KHDC4: variants seen among roughly 807,000 people sequenced by gnomAD.
KHDC4 encodes KH homology domain-containing protein 4.
KHDC4 carries 19 observed loss-of-function variants against 74.5 expected under a neutral mutation model. The ratio of observed to expected loss-of-function variants is 0.26; its 90% confidence interval spans 0.18 to 0.37. The LOEUF (loss-of-function observed/expected upper bound fraction) is 0.37. Ranked by LOEUF, KHDC4 falls within the 10% of genes least tolerant of loss-of-function variation. The pLI is 1.00. For synonymous variants in KHDC4, 253 were observed against 266.1 expected, an observed-to-expected ratio of 0.95 and a Z score of 0.48; for missense variants, 632 against 754.1, an observed-to-expected ratio of 0.84 and a Z score of 1.90.
At chr1:155,918,003 GCTTT>G (rs1673771567) in intron 10 of KHDC4, among the ~76,000 whole-genome samples, 1 of 152,106 alleles carries the variant, frequency 6.6e-6, no homozygotes, top group African/African-American at 2.4e-5. Flanking sequence ...TCTGTAATAA[GCTTT>G]CTGTTATTTA....
intron 8 of KHDC4, 63 bp from the exon 9 acceptor site, chr1:155,921,981 G>A: frequency 1.0e-6 from 1 of 994,058 alleles, no homozygotes; most frequent in African/African-American, 1.6e-5. Flanking sequence ...ACAAGGGTCT[G>A]ATTACATAAT....
At chr1:155,934,315 C>T in intron 1 of KHDC4, 21 bp downstream of exon 1, 1 of 1,606,958 alleles carries the variant, frequency 6.2e-7, no homozygotes. Flanking sequence ...CGCTCCGATG[C>T]CCTCGCCCCT....
chr1:155,928,845 G>A (rs1274042823), intron 4 of KHDC4, among the ~76,000 whole-genome samples: 9 of 151,472 alleles, frequency 5.9e-5, no homozygotes, highest in South Asian at 2.1e-4. Context: ...CCAGCTACTC[G>A]GGAGGCTGAG....
chr1:155,916,145 A>G (rs996427775), intron 12 of KHDC4, among the ~76,000 whole-genome samples, 181 bp from the exon 13 acceptor site: 5 of 152,136 alleles, frequency 3.3e-5, no homozygotes, highest in Non-Finnish European at 5.9e-5. Flanking sequence ...CTACACAGCA[A>G]TTGCCATGAC....
chr1:155,929,895 TTTTTA>T (rs1328033057), intron 2 of KHDC4, 55 bp from the exon 3 acceptor site: 36 of 1,239,758 alleles, frequency 2.9e-5, no homozygotes, highest in South Asian at 7.7e-5. Flanking sequence ...AAAGTCTATT[TTTTTA>T]TTTTATTTAT....
In KHDC4 at chr1:155,933,693, C is replaced by G; in HGVS notation, c.195G>C (p.Lys65Asn). 2 of 1,613,034 alleles carry G rather than the reference C, an allele frequency of 1.2e-6. No homozygotes were observed. The highest frequency in any genetic ancestry group is 2.2e-5 in the South Asian group (2 of 90,984). The change falls in exon 2 of 14, where the codon AAG (lysine) becomes AAC (asparagine). Residue 65 changes from lysine to asparagine, a missense_variant. Physicochemically the swap from Lys to Asn is moderately conservative, Grantham distance 94. This residue lies in a region of KHDC4 where 233 missense variants were observed against 342.6 expected (regional missense o/e 0.68). Transcript: ENST00000368321. ...CTTTTGCCATGAGCATGGCATTAAT[C>G]TTGGCAGCCACAGCAGCAGCAGCAT... ...ALDAAAAVAA[K>N]INAMLMAKGK...
At chr1:155,925,608 G>A (rs1673973667) in intron 7 of KHDC4, 24 bp downstream of exon 7, 2 of 1,589,872 alleles carry the variant, frequency 1.3e-6, no homozygotes, top group Non-Finnish European at 1.7e-6. Context: ...GAATTCACAT[G>A]TCCCCTGCCC....
At chr1:155,921,993 C>G (rs1163478167) in intron 8 of KHDC4, 75 bp from the exon 9 acceptor site, 1 of 876,024 alleles carries the variant, frequency 1.1e-6, no homozygotes, top group Non-Finnish European at 1.8e-6. Context: ...TTACATAATT[C>G]TAGGACCAAA....
chr1:155,914,468 A>C (rs942187161), intron 13 of KHDC4, 148 bp from the exon 14 acceptor site: 2 of 633,404 alleles, frequency 3.2e-6, no homozygotes, highest in Non-Finnish European at 5.4e-6. Flanking sequence ...TCACCCAAAA[A>C]CGTTGAAGAT....
At chr1:155,929,644 C>A in intron 3 of KHDC4, 68 bp downstream of exon 3, 1 of 1,527,912 alleles carries the variant, frequency 6.5e-7, no homozygotes, top group East Asian at 2.3e-5. Flanking sequence ...TGACGCCTGT[C>A]TATTTAGAGG....
chr1:155,925,834 C>A lies in KHDC4; in HGVS notation c.691G>T (p.Val231Phe), dbSNP rs1439440073. ...AGACCCACAAATAATTTATCTTGAA[C>A]ATAATGCATCTGTAGGAAGAACAGA... ...KPPFQSGMHY[V>F]QDKLFVGLEH... The change falls in exon 7 of 14, where the codon GTT becomes TTT. Residue 231 changes from valine to phenylalanine, a missense_variant. Val to Phe is a conservative substitution (Grantham distance 50). Coordinates refer to ENST00000368321, the MANE Select transcript of KHDC4 (RefSeq NM_014949.4). 9 of 1,608,572 alleles carry A rather than the reference C, an allele frequency of 5.6e-6. No individual in the cohort carries two copies. Among genetic ancestry groups the A allele is most frequent in the Non-Finnish European group, 6.8e-6 (8 of 1,174,988 alleles).
chr1:155,926,913 T>C, intron 5 of KHDC4, 74 bp from the exon 6 acceptor site: 1 of 1,528,376 alleles, frequency 6.5e-7, no homozygotes, highest in South Asian at 1.1e-5. Context: ...GTTCAATTAT[T>C]CACCGTAAAT....
At chr1:155,925,202 G>GTT (rs1282716291) in intron 7 of KHDC4, among the ~76,000 whole-genome samples, 1 of 151,438 alleles carries the variant, frequency 6.6e-6, no homozygotes. Flanking sequence ...AATTTTTTTT[G>GTT]TTTTATTTTT....
intron 10 of KHDC4, among the ~76,000 whole-genome samples, chr1:155,920,523 A>G (rs905196584): frequency 1.3e-5 from 2 of 152,206 alleles, no homozygotes; most frequent in African/African-American, 2.4e-5. Flanking sequence ...AAAAGTTTAT[A>G]TATCTCTTAC....
intron 5 of KHDC4, 38 bp from the exon 6 acceptor site, chr1:155,926,877 A>G (rs769451095): frequency 1.1e-5 from 18 of 1,607,660 alleles, no homozygotes; most frequent in Non-Finnish European, 8.5e-7. Context: ...AATGGAATGA[A>G]CTGACTAGTG....
At chr1:155,914,521 A>C in intron 13 of KHDC4, 1 of 495,324 alleles carries the variant, frequency 2.0e-6, no homozygotes, top group Non-Finnish European at 3.5e-6. Flanking sequence ...TGAATCCACC[A>C]GAACCATGTA....
chr1:155,916,579 C>A, intron 12 of KHDC4, 46 bp downstream of exon 12: 1 of 1,305,694 alleles, frequency 7.7e-7, no homozygotes, highest in South Asian at 1.2e-5. Context: ...ACTAATGGTG[C>A]AAACAAATAA....
intron 10 of KHDC4, among the ~76,000 whole-genome samples, chr1:155,920,800 TTA>T (rs1391181834): frequency 3.3e-5 from 5 of 152,188 alleles, no homozygotes; most frequent in Non-Finnish European, 5.9e-5. Flanking sequence ...GATGCTGAGA[TTA>T]TGTTTCCTTC....
chr1:155,928,998 G>A (rs1674085778), intron 4 of KHDC4, among the ~76,000 whole-genome samples: 1 of 151,104 alleles, frequency 6.6e-6, no homozygotes, highest in South Asian at 2.1e-4. Context: ...AGATCATATG[G>A]AACAGAAAGA....
Sources: gnomAD v4.1 joint callset for allele counts (sites outside exome capture counted in the v4.1 genomes callset) on GRCh38, gnomAD v4.1.1 for gene constraint, gnomAD v4.1.1 regional missense constraint, MANE v1.5 for transcripts, NCBI Gene and HGNC (gene_info 2026-07-23, HGNC 2026-07-21) for gene names.